The following ANKRD30B variants were observed in gnomAD, a reference collection of about 807,000 sequenced individuals.
ANKRD30B encodes the protein ankyrin repeat domain-containing protein 30B.
Under a neutral mutation model 202.2 loss-of-function variants are expected in ANKRD30B, and 144 were observed. The observed-to-expected ratio is 0.71, with a 90% CI of 0.62 to 0.82. The LOEUF (loss-of-function observed/expected upper bound fraction) is 0.82. ANKRD30B is among the 40% of genes least tolerant of loss of function. ANKRD30B has a pLI of 0.00. For synonymous variants in ANKRD30B, 508 were observed against 561.3 expected (o/e 0.91, Z 1.34); for missense variants, 1,487 against 1,669.1 (o/e 0.89, Z 1.90).
intron 7 of ANKRD30B, among the ~76,000 whole-genome samples, chr18:14,767,835 A>G (rs1349262300): frequency 2.0e-5 from 3 of 152,220 alleles, no homozygotes; most frequent in African/African-American, 7.2e-5. Flanking sequence ...GCATATTTCT[A>G]GAATTCCCCA....
At position 14,810,107 on chromosome 18, in the gene ANKRD30B, G is replaced by C. The variant is rs776489396; in HGVS notation, c.2416-1G>C. Reference sequence around the variant, plus strand: ...ATTTTTGTGTTTCCAAACCCATTTAGCCTACCTGTGTAAGGAAAGTTTCTC... The same window carrying C: ...ATTTTTGTGTTTCCAAACCCATTTACCCTACCTGTGTAAGGAAAGTTTCTC... On this transcript the variant is annotated splice_acceptor_variant, in intron 27 of 43. Coordinates refer to ENST00000690538, the MANE Select transcript of ANKRD30B (RefSeq NM_001367607.2). LOFTEE classifies it high-confidence loss of function. 243 of 1,496,924 alleles carry C rather than the reference G, an allele frequency of 1.6e-4. No homozygotes were observed. Among genetic ancestry groups the C allele is most frequent in the Non-Finnish European group, 2.1e-4 (234 of 1,099,150 alleles). The allele number at this position is 1,496,924 out of a possible 1,614,324, so 92.7% of individuals were successfully genotyped here.
At chr18:14,796,309 A>G in intron 17 of ANKRD30B, 34 bp from the exon 18 acceptor site, 1 of 1,609,354 alleles carries the variant, frequency 6.2e-7, no homozygotes, top group South Asian at 1.1e-5. Flanking sequence ...AGCATATATT[A>G]TGTATTAATT....
chr18:14,748,645 C>CT lies in ANKRD30B; in HGVS notation c.221+5_221+6insT. ...CAAAAGAGATATGAAGAAGAGGTAC[C>CT]AGGCCCTGCCTGAGCCGGGGCTGCA... On this transcript the variant is annotated splice_donor_region_variant and intron_variant, in intron 1 of 43. Coordinates refer to ENST00000690538, the MANE Select transcript of ANKRD30B (RefSeq NM_001367607.2). 1 of 1,539,858 alleles carries CT rather than the reference C, an allele frequency of 6.5e-7. No individual in the cohort carries two copies. Among genetic ancestry groups the CT allele is most frequent in the South Asian group, 1.2e-5 (1 of 82,060 alleles).
chr18:14,930,967 A>G, the ANKRD30B span, among the ~76,000 whole-genome samples: 2 of 152,396 alleles, frequency 1.3e-5, no homozygotes, highest in East Asian at 3.9e-4. Flanking sequence ...CATTGGAAAT[A>G]CAGACTTGCC....
At chr18:14,805,938 A>G (rs1287372863) in intron 24 of ANKRD30B, among the ~76,000 whole-genome samples, 3 of 150,406 alleles carry the variant, frequency 2.0e-5, no homozygotes, top group Admixed American at 2.0e-4. Flanking sequence ...TAAAGATTTC[A>G]GGCCAGGCGT....
downstream of ANKRD30B, among the ~76,000 whole-genome samples, chr18:14,855,678 G>A (rs1399891127): frequency 2.7e-5 from 4 of 150,618 alleles, no homozygotes; most frequent in Admixed American, 6.6e-5. Context: ...TGGGCGGCCG[G>A]GCAGAGGCAC....
At chr18:14,929,647 A>G in the ANKRD30B span, among the ~76,000 whole-genome samples, 1 of 152,166 alleles carries the variant, frequency 6.6e-6, no homozygotes, top group African/African-American at 2.4e-5. Flanking sequence ...CATAATAAGT[A>G]TTCGTTGAGG....
chr18:14,914,071 C>T, the ANKRD30B span, among the ~76,000 whole-genome samples: 1 of 152,126 alleles, frequency 6.6e-6, no homozygotes, highest in African/African-American at 2.4e-5. Flanking sequence ...CAGAGACCAT[C>T]CTCATAACTT....
At chr18:14,874,964 C>T in the ANKRD30B span, among the ~76,000 whole-genome samples, 1 of 152,216 alleles carries the variant, frequency 6.6e-6, no homozygotes, top group Admixed American at 6.5e-5. Flanking sequence ...GCTGGGAAGA[C>T]TCATACAGGT....
the ANKRD30B span, chr18:14,883,793 T>C: frequency 3.1e-4 from 56 of 181,096 alleles, no homozygotes; most frequent in Admixed American, 3.6e-3. Context: ...TAATAGGAAG[T>C]CCAGATTGGT....
At chr18:14,866,087 G>C in the ANKRD30B span, among the ~76,000 whole-genome samples, 2 of 152,224 alleles carry the variant, frequency 1.3e-5, no homozygotes, top group South Asian at 4.1e-4. Context: ...AATCAGAGAA[G>C]GCCTAGAGGT....
the ANKRD30B span, among the ~76,000 whole-genome samples, chr18:14,904,143 T>C: frequency 6.6e-6 from 1 of 152,206 alleles, no homozygotes; most frequent in Non-Finnish European, 1.5e-5. Flanking sequence ...ATTGACCTAC[T>C]GTGTTTATCG....
chr18:14,841,863 A>G (rs536170366), intron 37 of ANKRD30B, among the ~76,000 whole-genome samples: 2 of 152,256 alleles, frequency 1.3e-5, no homozygotes, highest in East Asian at 1.9e-4. Flanking sequence ...AACCATGGTG[A>G]CTCATTAGTT....
intron 28 of ANKRD30B, among the ~76,000 whole-genome samples, chr18:14,811,336 C>G (rs1188391417): frequency 6.6e-6 from 1 of 151,060 alleles, no homozygotes; most frequent in Non-Finnish European, 1.5e-5. Flanking sequence ...CTGGGCCTCC[C>G]AAGTAGCTGG....
chr18:14,811,083 C>T (rs1463967072), intron 28 of ANKRD30B, among the ~76,000 whole-genome samples: 1 of 151,340 alleles, frequency 6.6e-6, no homozygotes, highest in Admixed American at 6.6e-5. Flanking sequence ...CCACTTTAGC[C>T]TGAGTGACAG....
In ANKRD30B at chr18:14,763,988, G is replaced by A. The variant is rs9748611; in HGVS notation, c.1123G>A (p.Val375Met). The A allele has an allele frequency of 3.1e-3, 4,940 of 1,600,190 alleles. 145 individuals carry two copies. The African/African-American group carries it at 0.058, about 19-fold the overall frequency. Residue 375 changes from valine (V) to methionine (M), a missense_variant, in exon 7 of 44, where the codon GTG becomes ATG. By Grantham distance (21) the Val-to-Met change is conservative. Transcript: ENST00000690538. ...EKETSVKTECVAGVTPNKTEV... is the reference protein window; with the variant it reads ...EKETSVKTECMAGVTPNKTEV... ...AGAAACATCTGTAAAGACTGAATGC[G>A]TGGCAGGAGTAACACCTAATAAAAC...
At chr18:14,916,749 G>C in the ANKRD30B span, among the ~76,000 whole-genome samples, 1 of 152,132 alleles carries the variant, frequency 6.6e-6, no homozygotes, top group African/African-American at 2.4e-5. Flanking sequence ...GTAATGTGAA[G>C]GCCAACAAGA....
At chr18:14,758,021 G>T in intron 5 of ANKRD30B, 69 bp downstream of exon 5, 2 of 1,490,538 alleles carry the variant, frequency 1.3e-6, no homozygotes, top group South Asian at 2.7e-5. Context: ...GAAAGACAGT[G>T]ACTTAGTTCA....
intron 40 of ANKRD30B, among the ~76,000 whole-genome samples, chr18:14,849,724 TTAATCTAGTCTGAGATCA>T (rs1971804902): frequency 6.6e-6 from 1 of 151,674 alleles, no homozygotes; most frequent in African/African-American, 2.4e-5. Context: ...ATTAGACTCT[TTAATCTAGTCTGAGATCA>T]TAATATTCAA....
Sources: gnomAD v4.1 joint callset for allele counts (sites outside exome capture counted in the v4.1 genomes callset) on GRCh38, gnomAD v4.1.1 for gene constraint, MANE v1.5 for transcripts, NCBI Gene and HGNC (gene_info 2026-07-23, HGNC 2026-07-21) for gene names.